Variants in PARD3 observed in about 807,000 individuals in gnomAD.
PARD3 encodes the protein par-3 family cell polarity regulator.
A neutral mutation model predicts 155.4 loss-of-function variants in PARD3; 75 were observed. The observed-to-expected ratio is 0.48, with a 90% CI of 0.40 to 0.58. The LOEUF (loss-of-function observed/expected upper bound fraction) is 0.58. Among genes scored for constraint, PARD3 ranks in the 20% least tolerant of loss-of-function variants. The pLI is 0.00. For synonymous variants in PARD3, 576 were observed against 610.5 expected (o/e 0.94, Z 0.83); for missense variants, 1,642 against 1,721.7 (o/e 0.95, Z 0.82).
intron 22 of PARD3, among the ~76,000 whole-genome samples, chr10:34,194,252 G>A (rs1323342292): frequency 6.6e-6 from 1 of 152,124 alleles, no homozygotes; most frequent in Non-Finnish European, 1.5e-5. Flanking sequence ...ATGTTATCTG[G>A]CAGATGGAGT....
chr10:34,703,032 A>C (rs1435911541), intron 1 of PARD3, among the ~76,000 whole-genome samples: 2 of 152,200 alleles, frequency 1.3e-5, no homozygotes, highest in African/African-American at 4.8e-5. Context: ...GAGGAAAGCA[A>C]GAAAGAAAGA....
At chr10:34,501,063 G>C (rs2080666404) in intron 3 of PARD3, among the ~76,000 whole-genome samples, 1 of 152,104 alleles carries the variant, frequency 6.6e-6, no homozygotes, top group South Asian at 2.1e-4. Flanking sequence ...ATAATGGCTA[G>C]AGTTTTATTT....
intron 20 of PARD3, among the ~76,000 whole-genome samples, chr10:34,288,948 A>G (rs932208536): frequency 2.0e-5 from 3 of 152,194 alleles, no homozygotes; most frequent in Non-Finnish European, 2.9e-5. Context: ...GCCTTAAGTC[A>G]TATTAAAATA....
intron 9 of PARD3, among the ~76,000 whole-genome samples, chr10:34,378,382 G>C (rs532171312): frequency 8.5e-4 from 129 of 152,158 alleles, no homozygotes; most frequent in African/African-American, 3.0e-3. Context: ...ACTGCTAAAA[G>C]TTTTTAAATC....
At chr10:34,587,808 C>A (rs943374249) in intron 2 of PARD3, among the ~76,000 whole-genome samples, 1 of 152,116 alleles carries the variant, frequency 6.6e-6, no homozygotes, top group Non-Finnish European at 1.5e-5. Context: ...CAATAAAAGC[C>A]ATCATCTTAC....
At chr10:34,659,210 T>C (rs566820400) in intron 2 of PARD3, among the ~76,000 whole-genome samples, 7 of 152,152 alleles carry the variant, frequency 4.6e-5, no homozygotes, top group Non-Finnish European at 1.0e-4. Flanking sequence ...AACCAACACA[T>C]GTCATCTGCC....
chr10:34,517,542 G>A (rs948644062), intron 2 of PARD3, among the ~76,000 whole-genome samples: 1 of 151,938 alleles, frequency 6.6e-6, no homozygotes, highest in African/African-American at 2.4e-5. Flanking sequence ...ATACACACAT[G>A]GTATGAACTA....
intron 3 of PARD3, among the ~76,000 whole-genome samples, chr10:34,512,052 T>C (rs1232940174): frequency 6.6e-6 from 1 of 152,220 alleles, no homozygotes; most frequent in Non-Finnish European, 1.5e-5. Flanking sequence ...AGGGATTACA[T>C]TTCCAACATG....
At chr10:34,485,918 G>GTTTT (rs66906403) in intron 3 of PARD3, among the ~76,000 whole-genome samples, 81 of 95,756 alleles carry the variant, frequency 8.5e-4, no homozygotes, top group African/African-American at 3.3e-3. Flanking sequence ...AACGTTTTGG[G>GTTTT]TTTTTTTTTT....
chr10:34,262,255 GT>G (rs745831225), intron 22 of PARD3, among the ~76,000 whole-genome samples: 32 of 146,998 alleles, frequency 2.2e-4, no homozygotes, highest in East Asian at 7.9e-4. Flanking sequence ...GCCTATTACG[GT>G]TTTTTTTTTT....
intron 1 of PARD3, among the ~76,000 whole-genome samples, chr10:34,811,008 AGAG>A (rs1452216047): frequency 6.6e-6 from 1 of 152,174 alleles, no homozygotes; most frequent in South Asian, 2.1e-4. Context: ...CTACAGGCTG[AGAG>A]GAGAGCTATG....
rs549859676 is a variant in PARD3 at position 34,158,472 on chromosome 10, TAAGC to T, written c.3420-26893_3420-26890del. On this transcript the variant is annotated intron_variant, in intron 22 of 24. Transcript: ENST00000374788. ...ATGTGGCTAAGGCTAGGGTGAAAGC[TAAGC>T]AAGACGCAGGGTGGAACCCATGGAG... 1.9e-4 allele frequency among the ~76,000 whole-genome samples: 29 copies of T among 152,340 alleles called. No homozygotes were observed. In the South Asian group the frequency reaches 6.0e-3, roughly 32 times the overall value.
intron 1 of PARD3, among the ~76,000 whole-genome samples, chr10:34,794,399 G>A (rs944969340): frequency 6.6e-6 from 1 of 152,162 alleles, no homozygotes; most frequent in Non-Finnish European, 1.5e-5. Context: ...AGTATATTAT[G>A]TATTACCAGG....
chr10:34,499,822 A>G (rs1482832309), intron 3 of PARD3, among the ~76,000 whole-genome samples: 1 of 152,220 alleles, frequency 6.6e-6, no homozygotes, highest in Non-Finnish European at 1.5e-5. Context: ...GATTGGTCCC[A>G]GATGCCTGAG....
chr10:34,694,192 G>A (rs758620207), intron 2 of PARD3, among the ~76,000 whole-genome samples: 6 of 151,892 alleles, frequency 4.0e-5, no homozygotes, highest in East Asian at 1.9e-4. Context: ...GGACGAAGAA[G>A]AAGGGAGAAG....
intron 22 of PARD3, among the ~76,000 whole-genome samples, chr10:34,148,585 A>G (rs1027011723): frequency 2.0e-5 from 3 of 152,152 alleles, no homozygotes; most frequent in African/African-American, 7.2e-5. Flanking sequence ...TCAGTGCAAC[A>G]TTGTCTAGAG....
chr10:34,616,902 T>A (rs2091290370), intron 2 of PARD3, among the ~76,000 whole-genome samples: 2 of 134,076 alleles, frequency 1.5e-5, no homozygotes, highest in South Asian at 4.7e-4. Flanking sequence ...ACCACTGCAC[T>A]CCAGCTTGGG....
Position 34,191,681 on chromosome 10 carries a change from A to T in PARD3, c.3420-60098T>A, listed in dbSNP as rs147032736. On this transcript the variant is annotated intron_variant, in intron 22 of 24. Transcript: ENST00000374788. ...GGGTGAAGATGGGGTCTGGGAGCCTAGGGGGAGGGAGGATGAAAGAAGTCT... is the reference window on the plus strand; with the variant it reads ...GGGTGAAGATGGGGTCTGGGAGCCTTGGGGGAGGGAGGATGAAAGAAGTCT... 6.3e-3 allele frequency among the ~76,000 whole-genome samples: 935 copies of T among 148,524 alleles called. 10 individuals are homozygous for T. The highest frequency in any genetic ancestry group is 0.023 in the African/African-American group (912 of 39,720).
intron 2 of PARD3, among the ~76,000 whole-genome samples, chr10:34,685,814 G>A (rs1200463226): frequency 6.6e-6 from 1 of 152,066 alleles, no homozygotes; most frequent in East Asian, 1.9e-4. Context: ...GGCTGGTCTT[G>A]ACCTCCTGAC....
Sources: gnomAD v4.1 joint callset for allele counts (sites outside exome capture counted in the v4.1 genomes callset) on GRCh38, gnomAD v4.1.1 for gene constraint, MANE v1.5 for transcripts, NCBI Gene and HGNC (gene_info 2026-07-23, HGNC 2026-07-21) for gene names.